Variants in MR1 observed in about 807,000 individuals in gnomAD.
MR1 encodes the protein major histocompatibility complex class I-related protein 1.
Under a neutral mutation model 37.8 loss-of-function variants are expected in MR1, and 44 were observed. That is an observed-to-expected ratio of 1.16 (90% CI 0.91 to 1.50). MR1 has a LOEUF of 1.50. Among genes scored for constraint, MR1 ranks in the 40% most tolerant of loss-of-function variants. The probability of loss-of-function intolerance (pLI) is 0.00; values close to 1 mark genes in which losing one functional copy is unlikely to be tolerated. For missense variants in MR1, 386 were observed against 419.1 expected, an observed-to-expected ratio of 0.92 and a Z score of 0.69; for synonymous variants, 153 against 155.8, an observed-to-expected ratio of 0.98 and a Z score of 0.13.
intron 1 of MR1, among the ~76,000 whole-genome samples, chr1:181,038,563 CT>C (rs1347384441): frequency 6.6e-6 from 1 of 152,212 alleles, no homozygotes; most frequent in Non-Finnish European, 1.5e-5. Flanking sequence ...GGTCTGGAGC[CT>C]GTGGCCCCAG....
At chr1:181,049,851 C>T (rs1658196430) in intron 2 of MR1, among the ~76,000 whole-genome samples, 160 bp from the exon 3 acceptor site, 1 of 152,208 alleles carries the variant, frequency 6.6e-6, no homozygotes, top group African/African-American at 2.4e-5. Context: ...GGTGGGCTTC[C>T]ATAAGGGGGA....
Position 181,055,500 on chromosome 1 carries a change from C to G in MR1, c.*235C>G. 1.9e-6 allele frequency: 1 copy of G among 538,292 alleles called. No individual in the cohort carries two copies. The highest frequency in any genetic ancestry group is 3.3e-6 in the Non-Finnish European group (1 of 305,850). 33.3% of individuals were successfully genotyped at this position (538,292 alleles called of 1,614,324 possible). A position where few individuals can be genotyped will look rare whatever the true frequency, so the allele number is the denominator to read the frequency against. ...TGATGGACTGTTTTATCAGAGTTGACTTTAAATACAGCTTGTCTCATGACA... is the reference window on the plus strand; with the variant it reads ...TGATGGACTGTTTTATCAGAGTTGAGTTTAAATACAGCTTGTCTCATGACA... On this transcript the variant is annotated 3_prime_UTR_variant, in exon 6 of 6. Coordinates refer to ENST00000367580, the MANE Select transcript of MR1 (RefSeq NM_001385161.1).
Position 181,050,072 on chromosome 1 carries a change from A to G in MR1, c.390A>G (p.Gly130=), listed in dbSNP as rs1456175358. 3 of 1,613,892 alleles carry G rather than the reference A, an allele frequency of 1.9e-6. No individual in the cohort carries two copies. The Admixed American group carries it at 5.0e-5, about 27-fold the overall frequency. ...TGCTGGAGGATGGAAGCACCACAGG[A>G]TTTCTGCAGTATGCATATGACGGGC... ...CELLEDGSTT[G]FLQYAYDGQD... The change falls in exon 3 of 6, where the codon GGA becomes GGG. Residue 130 remains glycine (G), a synonymous_variant. Coordinates refer to ENST00000367580, the MANE Select transcript of MR1 (RefSeq NM_001385161.1).
rs1217802421 is a variant in MR1, at chr1:181,060,298, A to C, written c.*5033A>C. The stretch of plus-strand genomic sequence containing the variant: ...TACTGCAGGATGACCTCACCTTCCC[A>C]AATTACATCTGCAACAACCCTATTT... On this transcript the variant is annotated 3_prime_UTR_variant, in exon 6 of 6. Coordinates refer to ENST00000367580, the MANE Select transcript of MR1 (RefSeq NM_001385161.1). The C allele has an allele frequency of 6.6e-6, 1 of 152,132 alleles. No individual in the cohort carries two copies. The highest frequency in any genetic ancestry group is 1.5e-5 in the Non-Finnish European group (1 of 68,026). 9.4% of individuals were successfully genotyped at this position (152,132 alleles called of 1,614,324 possible). A position where few individuals can be genotyped will look rare whatever the true frequency, so the allele number is the denominator to read the frequency against.
In MR1 at chr1:181,043,075, G is replaced by A. The variant is rs554333474; in HGVS notation, c.68-5977G>A. 2.0e-5 allele frequency among the ~76,000 whole-genome samples: 3 copies of A among 152,264 alleles called. No individual in the cohort carries two copies. The South Asian group carries it at 6.2e-4, about 32-fold the overall frequency. Reference sequence around the variant, plus strand: ...AGAATCTGGTAGCTATTGGTTTTACGACAGAACTCATGCTCTGATGCAATC... The same window carrying A: ...AGAATCTGGTAGCTATTGGTTTTACAACAGAACTCATGCTCTGATGCAATC... On this transcript the variant is annotated intron_variant, in intron 1 of 5. Transcript: ENST00000367580.
In MR1 at chr1:181,059,867, A is replaced by C. The variant is rs939123536; in HGVS notation, c.*4602A>C. On this transcript the variant is annotated 3_prime_UTR_variant, in exon 6 of 6. Transcript: ENST00000367580. ...GGAAGATTGTCAGAGTTACATTGTAAGAAGAGCATGTAGTTGGGAGATATC... is the reference window on the plus strand; with the variant it reads ...GGAAGATTGTCAGAGTTACATTGTACGAAGAGCATGTAGTTGGGAGATATC... 6.6e-6 allele frequency: 1 copy of C among 152,238 alleles called. No individual in the cohort carries two copies. Among genetic ancestry groups the C allele is most frequent in the Non-Finnish European group, 1.5e-5 (1 of 68,036 alleles). 9.4% of individuals were successfully genotyped at this position (152,238 alleles called of 1,614,324 possible).
chr1:181,048,928 A>C, intron 1 of MR1, 124 bp from the exon 2 acceptor site: 2 of 1,262,518 alleles, frequency 1.6e-6, no homozygotes, highest in Non-Finnish European at 2.2e-6. Flanking sequence ...AGGAAATGGC[A>C]GCTGGGGCGT....
At chr1:181,049,369 C>G in intron 2 of MR1, 57 bp downstream of exon 2, 1 of 1,542,434 alleles carries the variant, frequency 6.5e-7, no homozygotes, top group East Asian at 2.4e-5. Context: ...CGCAGAGACC[C>G]CTGGGCTGGC....
intron 3 of MR1, chr1:181,050,501 T>G (rs1459866768): frequency 1.7e-6 from 1 of 587,698 alleles, no homozygotes; most frequent in East Asian, 3.0e-5. Flanking sequence ...CTTGACAGAG[T>G]GGAGTACCTC....
At chr1:181,038,062 C>T (rs1248460851) in intron 1 of MR1, among the ~76,000 whole-genome samples, 1 of 152,210 alleles carries the variant, frequency 6.6e-6, no homozygotes. Flanking sequence ...TGCCAATCTC[C>T]TGTCTAGAAA....
rs1167449251 is a variant in MR1 at position 181,049,265 on chromosome 1, T to C, written c.281T>C (p.Met94Thr). The change falls in exon 2 of 6, where the codon ATG becomes ACG. Residue 94 changes from methionine (M) to threonine (T), a missense_variant. Coordinates refer to ENST00000367580, the MANE Select transcript of MR1 (RefSeq NM_001385161.1). ...YTQLLRGWQQ[M>T]FKVELKRLQR... ...CAGCTGCTGAGGGGCTGGCAGCAGA[T>C]GTTCAAGGTGGAACTGAAGCGCCTA... 6.2e-7 allele frequency: 1 copy of C among 1,614,186 alleles called. No individual in the cohort carries two copies.
At chr1:181,049,705 A>G (rs1324495976) in intron 2 of MR1, 5 of 485,708 alleles carry the variant, frequency 1.0e-5, no homozygotes, top group Non-Finnish European at 1.8e-5. Flanking sequence ...TGGCTCCTGC[A>G]TCTCTCTCCC....
At chr1:181,044,635 C>T (rs542272882) in intron 1 of MR1, among the ~76,000 whole-genome samples, 1 of 152,312 alleles carries the variant, frequency 6.6e-6, no homozygotes, top group South Asian at 2.1e-4. Context: ...CACCCAGGAA[C>T]CTGGAGTTCC....
intron 1 of MR1, among the ~76,000 whole-genome samples, chr1:181,048,696 C>T (rs1365853353): frequency 2.0e-5 from 3 of 152,284 alleles, no homozygotes; most frequent in East Asian, 1.9e-4. Context: ...TCAGAGTTCC[C>T]GAGGGCTCCC....
intron 4 of MR1, 35 bp from the exon 5 acceptor site, chr1:181,053,538 G>A: frequency 6.7e-7 from 1 of 1,492,628 alleles, no homozygotes; most frequent in Non-Finnish European, 9.3e-7. Flanking sequence ...AGGGAAAGGG[G>A]ACTTGTGGAT....
Position 181,058,570 on chromosome 1 carries a change from C to G in MR1, c.*3305C>G, listed in dbSNP as rs1558125000. 1 of 152,344 alleles carries G rather than the reference C, an allele frequency of 6.6e-6. No homozygotes were observed. Among genetic ancestry groups the G allele is most frequent in the East Asian group, 1.9e-4 (1 of 5,190 alleles). The allele number at this position is 152,344 out of a possible 1,614,324, so 9.4% of individuals were successfully genotyped here. ...ACTCCCATGATTTCCAAGTTGTGAT[C>G]CTTTCCTTATTTCTGAGGAATGACT... On this transcript the variant is annotated 3_prime_UTR_variant, in exon 6 of 6. Transcript: ENST00000367580.
intron 2 of MR1, chr1:181,049,670 A>T (rs1483860222): frequency 2.1e-6 from 1 of 476,650 alleles, no homozygotes; most frequent in Non-Finnish European, 3.8e-6. Flanking sequence ...ATGAGTATCG[A>T]CAGTAACTTT....
intron 1 of MR1, among the ~76,000 whole-genome samples, chr1:181,040,810 A>T (rs1241638874): frequency 1.3e-5 from 2 of 151,202 alleles, no homozygotes; most frequent in East Asian, 3.9e-4. Context: ...ACAGCCAGGC[A>T]CGGTGGCTCA....
rs1658842024 is a variant in MR1 at position 181,060,310 on chromosome 1, C to A, written c.*5045C>A. The A allele has an allele frequency of 6.6e-6, 1 of 152,182 alleles. No individual in the cohort carries two copies. Among genetic ancestry groups the A allele is most frequent in the East Asian group, 1.9e-4 (1 of 5,200 alleles). 9.4% of individuals were successfully genotyped at this position (152,182 alleles called of 1,614,324 possible). On this transcript the variant is annotated 3_prime_UTR_variant, in exon 6 of 6. Coordinates refer to ENST00000367580, the MANE Select transcript of MR1 (RefSeq NM_001385161.1). ...ACCTCACCTTCCCAAATTACATCTG[C>A]AACAACCCTATTTCCAAAGAAGGCC...
Sources: allele counts gnomAD v4.1 joint callset (sites outside exome capture counted in the v4.1 genomes callset), GRCh38; gene constraint gnomAD v4.1.1; transcripts MANE v1.5; gene names NCBI Gene and HGNC (gene_info 2026-07-23, HGNC 2026-07-21).